Variants in RBM17 observed in about 807,000 individuals in gnomAD.
RBM17 encodes splicing factor 45.
A neutral mutation model predicts 53.2 loss-of-function variants in RBM17; 7 were observed. The ratio of observed to expected loss-of-function variants is 0.13; its 90% CI spans 0.07 to 0.25. The LOEUF is 0.25. RBM17 is among the 10% of genes least tolerant of loss of function. The pLI, the probability that RBM17 is intolerant of heterozygous loss-of-function variation, is 1.00. For missense variants in RBM17, 257 were observed against 496.7 expected, an observed-to-expected ratio of 0.52 and a Z score of 4.59; for synonymous variants, 167 against 178.1, an observed-to-expected ratio of 0.94 and a Z score of 0.50.
rs1422998138 is a variant in RBM17, at chr10:6,116,596, A to G, written c.*1040A>G. 2 of 152,362 alleles carry G rather than the reference A, an allele frequency of 1.3e-5. No homozygotes were observed. The highest frequency in any genetic ancestry group is 2.9e-5 in the Non-Finnish European group (2 of 68,034). 9.4% of individuals were successfully genotyped at this position (152,362 alleles called of 1,614,324 possible). A position where few individuals can be genotyped will look rare whatever the true frequency, so the allele number is the denominator to read the frequency against. On this transcript the variant is annotated 3_prime_UTR_variant, in exon 12 of 12. Transcript: ENST00000379888. ...CAGGAGGTATTTCCAGAAAATACTC[A>G]TGCCTGTGTTCTGTTCCTTGCTTTC... is the stretch of plus-strand genomic sequence containing the variant.
chr10:6,090,622 C>G (rs954745091), intron 1 of RBM17, among the ~76,000 whole-genome samples: 25 of 152,164 alleles, frequency 1.6e-4, no homozygotes, highest in Non-Finnish European at 1.5e-5. Context: ...CCATTCTCCC[C>G]TGCCTATGAA....
chr10:6,111,500 C>T (rs182994542), intron 7 of RBM17, among the ~76,000 whole-genome samples: 158 of 152,278 alleles, frequency 1.0e-3, no homozygotes, highest in Admixed American at 2.7e-3. Context: ...CCATCATGCC[C>T]AGCTAATTTT....
chr10:6,106,696 T>C (rs753779860), intron 5 of RBM17, among the ~76,000 whole-genome samples: 2 of 152,232 alleles, frequency 1.3e-5, no homozygotes, highest in African/African-American at 2.4e-5. Context: ...AGGTTGAATA[T>C]TTGTAGGTCT....
At chr10:6,105,131 A>G in intron 4 of RBM17, 34 bp downstream of exon 4, 2 of 1,596,074 alleles carry the variant, frequency 1.3e-6, no homozygotes, top group Non-Finnish European at 1.7e-6. Context: ...GATATTTTAC[A>G]GTTGAAATGT....
At chr10:6,097,596 G>A (rs1251250699) in intron 2 of RBM17, among the ~76,000 whole-genome samples, 2 of 152,200 alleles carry the variant, frequency 1.3e-5, no homozygotes, top group South Asian at 2.1e-4. Flanking sequence ...GCGTGAACCC[G>A]GGAGGCAGAG....
At chr10:6,090,945 A>G (rs989751864) in intron 1 of RBM17, among the ~76,000 whole-genome samples, 1 of 144,506 alleles carries the variant, frequency 6.9e-6, no homozygotes, top group African/African-American at 2.6e-5. Context: ...CGGACACCAA[A>G]GTGCACCACC....
At chr10:6,095,005 A>G (rs1386075324) in intron 1 of RBM17, among the ~76,000 whole-genome samples, 1 of 152,206 alleles carries the variant, frequency 6.6e-6, no homozygotes, top group Non-Finnish European at 1.5e-5. Context: ...TCTGAAGTGG[A>G]CATCAGGGGA....
intron 5 of RBM17, among the ~76,000 whole-genome samples, chr10:6,107,500 T>TTTTTTG (rs1554835490): frequency 7.6e-6 from 1 of 131,926 alleles, no homozygotes; most frequent in Admixed American, 8.0e-5. Context: ...TTTTTTTTTT[T>TTTTTTG]GGAGACACTC....
chr10:6,095,904 A>G (rs999745147), intron 1 of RBM17, among the ~76,000 whole-genome samples: 1 of 152,170 alleles, frequency 6.6e-6, no homozygotes, highest in Non-Finnish European at 1.5e-5. Context: ...TGCTTGCCGA[A>G]TCAGACCTAA....
chr10:6,101,724 ACT>A (rs1202138124), intron 3 of RBM17, among the ~76,000 whole-genome samples: 1 of 151,074 alleles, frequency 6.6e-6, no homozygotes, highest in African/African-American at 2.4e-5. Context: ...ATACGTTGTG[ACT>A]CTGTCAAAAA....
At chr10:6,090,287 A>C (rs1424783206) in intron 1 of RBM17, among the ~76,000 whole-genome samples, 2 of 152,222 alleles carry the variant, frequency 1.3e-5, no homozygotes, top group Non-Finnish European at 2.9e-5. Context: ...GGCTCCCCGC[A>C]GCAGATGGAG....
chr10:6,111,409 G>A (rs1345424360), intron 7 of RBM17, among the ~76,000 whole-genome samples: 5 of 152,184 alleles, frequency 3.3e-5, no homozygotes, highest in Non-Finnish European at 7.3e-5. Flanking sequence ...GTGCGATCTC[G>A]CCTCACTGCA....
intron 2 of RBM17, among the ~76,000 whole-genome samples, 155 bp downstream of exon 2, chr10:6,097,343 A>G (rs1200931851): frequency 6.6e-6 from 1 of 152,204 alleles, no homozygotes; most frequent in Non-Finnish European, 1.5e-5. Context: ...GTTTAAGGCC[A>G]CTTTGCTACT....
rs752785300 is a variant in RBM17 at position 6,109,989 on chromosome 10, C to T, written c.566C>T (p.Pro189Leu). The T allele has an allele frequency of 1.4e-5, 22 of 1,598,670 alleles. No homozygotes were observed. Among genetic ancestry groups the T allele is most frequent in the African/African-American group, 4.0e-5 (3 of 74,334 alleles). The change falls in exon 7 of 12, where the codon CCC (proline) becomes CTC (leucine). Residue 189 changes from proline (P) to leucine (L), a missense_variant. Coordinates refer to ENST00000379888, the MANE Select transcript of RBM17 (RefSeq NM_032905.5). ...TSLVEKDKEL[P>L]RDFPYEEDSR... ...CTACTTTATTTTTCTCCAATAGTAC[C>T]CCGAGATTTTCCTTATGAAGAGGAC... is the stretch of plus-strand genomic sequence containing the variant.
At chr10:6,106,805 T>C (rs962757635) in intron 5 of RBM17, among the ~76,000 whole-genome samples, 13 of 152,230 alleles carry the variant, frequency 8.5e-5, no homozygotes, top group Non-Finnish European at 1.9e-4. Context: ...CAGCAGGAAC[T>C]AGATAGCTTT....
At chr10:6,099,978 A>G (rs967096601) in intron 2 of RBM17, among the ~76,000 whole-genome samples, 4 of 152,138 alleles carry the variant, frequency 2.6e-5, no homozygotes, top group African/African-American at 9.7e-5. Flanking sequence ...GAGTTGCTTC[A>G]ACCTGGGAGG....
intron 7 of RBM17, among the ~76,000 whole-genome samples, chr10:6,110,828 C>G (rs766806626): frequency 3.9e-5 from 6 of 152,188 alleles, no homozygotes; most frequent in Non-Finnish European, 5.9e-5. Flanking sequence ...ACTCACTAGT[C>G]TCCTTTCAAG....
chr10:6,095,655 C>CACGA (rs1310966603), intron 1 of RBM17, among the ~76,000 whole-genome samples: 1 of 152,052 alleles, frequency 6.6e-6, no homozygotes, highest in African/African-American at 2.4e-5. Context: ...TTTGAGGGTT[C>CACGA]ACGTATGAAG....
At chr10:6,100,111 T>C (rs559295137) in intron 2 of RBM17, among the ~76,000 whole-genome samples, 1 of 152,344 alleles carries the variant, frequency 6.6e-6, no homozygotes, top group African/African-American at 2.4e-5. Context: ...CTGTAAACTT[T>C]CGTATTTACT....
Sources: allele counts gnomAD v4.1 joint callset (sites outside exome capture counted in the v4.1 genomes callset), GRCh38; gene constraint gnomAD v4.1.1; transcripts MANE v1.5; gene names NCBI Gene and HGNC (gene_info 2026-07-23, HGNC 2026-07-21).